The following ADCY1 variants were observed in gnomAD, a reference collection of about 807,000 sequenced individuals.
ADCY1 encodes adenylate cyclase type 1.
Under a neutral mutation model 105.4 loss-of-function variants are expected in ADCY1, and 28 were observed. The ratio of observed to expected loss-of-function variants is 0.27; its 90% CI spans 0.20 to 0.36. ADCY1 has a LOEUF of 0.36. ADCY1 is among the 10% of genes least tolerant of loss of function. The pLI, the probability that ADCY1 is intolerant of heterozygous loss-of-function variation, is 1.00. For synonymous variants in ADCY1, 655 were observed against 623.8 expected (o/e 1.05, Z -0.75); for missense variants, 977 against 1,434.2 (o/e 0.68, Z 5.15).
chr7:45,676,500 G>C (rs1043284781), intron 8 of ADCY1, among the ~76,000 whole-genome samples: 6 of 151,978 alleles, frequency 3.9e-5, no homozygotes, highest in Admixed American at 2.0e-4. Context: ...GTTTTAGCAA[G>C]TCTCTTCAGA....
intron 2 of ADCY1, among the ~76,000 whole-genome samples, chr7:45,604,325 G>C (rs555986575): frequency 6.6e-6 from 1 of 152,278 alleles, no homozygotes; most frequent in East Asian, 1.9e-4. Flanking sequence ...TCTTTTAGCA[G>C]AGTCTTTTTG....
intron 4 of ADCY1, among the ~76,000 whole-genome samples, chr7:45,629,337 A>T (rs1468417753): frequency 6.6e-6 from 1 of 152,140 alleles, no homozygotes; most frequent in Non-Finnish European, 1.5e-5. Context: ...GCTGTACTGA[A>T]GCTTGTCTGT....
chr7:45,628,487 C>T (rs1228703227), intron 4 of ADCY1, among the ~76,000 whole-genome samples: 1 of 152,150 alleles, frequency 6.6e-6, no homozygotes, highest in Non-Finnish European at 1.5e-5. Context: ...GAGTGACCTG[C>T]CCAGACTCTA....
intron 2 of ADCY1, among the ~76,000 whole-genome samples, chr7:45,599,657 C>T (rs1440356133): frequency 6.6e-6 from 1 of 150,402 alleles, no homozygotes; most frequent in Non-Finnish European, 1.5e-5. Context: ...GGCAGAGTCT[C>T]ATTCTGTCAC....
rs1793932201 is a variant in ADCY1 at position 45,622,615 on chromosome 7, A to G, written c.909-17A>G. On this transcript the variant is annotated splice_polypyrimidine_tract_variant and intron_variant, in intron 3 of 19. Transcript: ENST00000297323. ...GTGACTGGGAGAAGGGCAGCCTGGC[A>G]CCCCTTTCTCTTGCAGCATCCTGTT... 6.3e-7 allele frequency: 1 copy of G among 1,593,664 alleles called. No homozygotes were observed. Among genetic ancestry groups the G allele is most frequent in the Non-Finnish European group, 8.6e-7 (1 of 1,162,012 alleles).
intron 7 of ADCY1, among the ~76,000 whole-genome samples, chr7:45,661,653 C>T (rs951682081): frequency 1.3e-5 from 2 of 152,072 alleles, no homozygotes; most frequent in Non-Finnish European, 2.9e-5. Flanking sequence ...ACTGCCCAGC[C>T]CTCCCCATCC....
chr7:45,716,957 C>T lies in ADCY1; in HGVS notation c.*2962C>T, dbSNP rs968799362. On this transcript the variant is annotated 3_prime_UTR_variant, in exon 20 of 20. Coordinates refer to ENST00000297323, the MANE Select transcript of ADCY1 (RefSeq NM_021116.4). The stretch of plus-strand genomic sequence containing the variant: ...CCCCAGCGCCAGTCAGCAAGGAAGC[C>T]GGGTGTCGCTCACACAACCAGAAGG... The T allele has an allele frequency of 5.2e-5, 8 of 152,500 alleles. No individual in the cohort carries two copies. The highest frequency in any genetic ancestry group is 1.7e-4 in the African/African-American group (7 of 41,452). The allele number at this position is 152,500 out of a possible 1,614,324, so 9.4% of individuals were successfully genotyped here. A position where few individuals can be genotyped will look rare whatever the true frequency, so the allele number is the denominator to read the frequency against.
chr7:45,598,233 G>T (rs1793128806), intron 2 of ADCY1, among the ~76,000 whole-genome samples: 1 of 152,220 alleles, frequency 6.6e-6, no homozygotes, highest in South Asian at 2.1e-4. Context: ...ACCAGTGGCA[G>T]AGCCAGGGTG....
chr7:45,719,729 T>C lies in ADCY1; in HGVS notation c.*5734T>C, dbSNP rs1428640344. ...AAATGAAAATCATTTGTTCATGGGATTCATATGAGGAACAAAATTAAATTT... is the reference window on the plus strand; with the variant it reads ...AAATGAAAATCATTTGTTCATGGGACTCATATGAGGAACAAAATTAAATTT... On this transcript the variant is annotated 3_prime_UTR_variant, in exon 20 of 20. Coordinates refer to ENST00000297323, the MANE Select transcript of ADCY1 (RefSeq NM_021116.4). The C allele has an allele frequency of 6.6e-6, 1 of 152,168 alleles. No homozygotes were observed. The highest frequency in any genetic ancestry group is 1.5e-5 in the Non-Finnish European group (1 of 68,034). 9.4% of individuals were successfully genotyped at this position (152,168 alleles called of 1,614,324 possible).
chr7:45,673,954 T>C (rs1784407554), intron 8 of ADCY1, among the ~76,000 whole-genome samples: 1 of 117,662 alleles, frequency 8.5e-6, no homozygotes, highest in African/African-American at 3.1e-5. Flanking sequence ...CATATGTTCA[T>C]TCAGATGAGC....
intron 4 of ADCY1, among the ~76,000 whole-genome samples, chr7:45,641,943 A>AAAAAAAAAAAG (rs1394910396): frequency 1.4e-5 from 2 of 141,030 alleles, no homozygotes; most frequent in African/African-American, 5.3e-5. Flanking sequence ...AAAAAAAAAA[A>AAAAAAAAAAAG]AAATGTCTTT....
At chr7:45,705,503 T>C (rs6950394) in intron 17 of ADCY1, among the ~76,000 whole-genome samples, 23,117 of 152,144 alleles carry the variant, frequency 0.15, 2,082 homozygotes, top group East Asian at 0.34. Flanking sequence ...GCAGAAAAAT[T>C]ATTTAAGTCT....
intron 4 of ADCY1, among the ~76,000 whole-genome samples, chr7:45,629,482 T>C (rs1225190653): frequency 6.6e-6 from 1 of 151,572 alleles, no homozygotes; most frequent in African/African-American, 2.4e-5. Context: ...GTAGAATGGC[T>C]AAAAAACATG....
In ADCY1 at chr7:45,710,635, G is replaced by A; in HGVS notation, c.3040G>A (p.Val1014Ile). The change falls in exon 19 of 20, where the codon GTC becomes ATC. Residue 1014 changes from valine (V) to isoleucine (I), a missense_variant. Coordinates refer to ENST00000297323, the MANE Select transcript of ADCY1 (RefSeq NM_021116.4). This position sits in a 1 kb window ranked among gnomAD's most constrained non-coding sequence, Gnocchi z 4.7. The stretch of plus-strand genomic sequence containing the variant: ...GGCCAGTCGGATGGATAGCACAGGG[G>A]TCCAGGGCAGAATCCAGGTCAGTTC... ...NVASRMDSTG[V>I]QGRIQVTEEV... 1 of 1,613,756 alleles carries A rather than the reference G, an allele frequency of 6.2e-7. No individual in the cohort carries two copies. The highest frequency in any genetic ancestry group is 2.2e-5 in the East Asian group (1 of 44,866).
rs574091288 is a variant in ADCY1, at chr7:45,664,606, A to G, written c.1605+2392A>G. The G allele has an allele frequency of 4.3e-4, 418 of 975,576 alleles. 1 individual carries two copies. The highest frequency in any genetic ancestry group is 5.5e-4 in the Non-Finnish European group (396 of 726,340). 60.4% of individuals were successfully genotyped at this position (975,576 alleles called of 1,614,324 possible). ...ATCTCACAAAAAAGCTATCATGAAC[A>G]TTTTGTTCCTTCCAGTTTCTTAAGT... On this transcript the variant is annotated intron_variant, in intron 8 of 19. Transcript: ENST00000297323.
Position 45,643,113 on chromosome 7 carries a change from CT to C in ADCY1, c.1021-5539del, listed in dbSNP as rs528070607. On this transcript the variant is annotated intron_variant, in intron 4 of 19. Transcript: ENST00000297323. ...GTTCAGGTTACTTTCTGTTTTCTGT[CT>C]TTTTTTTTTTTTTTTTTAAGGTCAG... Among the ~76,000 whole-genome samples the C allele has an allele frequency of 5.9e-3, 645 of 109,110 alleles. 1 individual carries two copies. The highest frequency in any genetic ancestry group is 0.028 in the South Asian group (96 of 3,472). The allele number at this position is 109,110 out of a possible 152,430, so 71.6% of individuals were successfully genotyped here.
At chr7:45,651,621 A>G (rs565359687) in intron 5 of ADCY1, among the ~76,000 whole-genome samples, 1 of 152,320 alleles carries the variant, frequency 6.6e-6, no homozygotes, top group East Asian at 1.9e-4. Flanking sequence ...GCCACTCCTC[A>G]GTAGCGAGGT....
At chr7:45,636,897 T>G (rs945225022) in intron 4 of ADCY1, among the ~76,000 whole-genome samples, 1 of 152,230 alleles carries the variant, frequency 6.6e-6, no homozygotes, top group Non-Finnish European at 1.5e-5. Context: ...TTTTTCTACC[T>G]AAGATGACAA....
chr7:45,601,430 G>T (rs1290590648), intron 2 of ADCY1, among the ~76,000 whole-genome samples: 1 of 152,124 alleles, frequency 6.6e-6, no homozygotes, highest in Non-Finnish European at 1.5e-5. Context: ...ATACCTGAGC[G>T]CACTGCACCC....
Sources: gnomAD v4.1 joint callset for allele counts (sites outside exome capture counted in the v4.1 genomes callset) on GRCh38, gnomAD v4.1.1 for gene constraint, Gnocchi (gnomAD v3.1) non-coding constraint, MANE v1.5 for transcripts, NCBI Gene and HGNC (gene_info 2026-07-23, HGNC 2026-07-21) for gene names.